RUNDC3B: variants seen among roughly 807,000 people sequenced by gnomAD.
RUNDC3B encodes the protein RUN domain containing 3B, also known as RUN domain-containing protein 3B.
A neutral mutation model predicts 58.4 loss-of-function variants in RUNDC3B; 33 were observed. The observed-to-expected ratio is 0.56, with a 90% CI of 0.43 to 0.75. RUNDC3B has a LOEUF of 0.75. Ranked by LOEUF, RUNDC3B falls within the 30% of genes least tolerant of loss-of-function variation. The probability of loss-of-function intolerance (pLI) is 0.00; values close to 1 mark genes in which losing one functional copy is unlikely to be tolerated. For missense variants in RUNDC3B, 501 were observed against 535.7 expected (o/e 0.94, Z 0.64); for synonymous variants, 193 against 195.2 (o/e 0.99, Z 0.10).
intron 9 of RUNDC3B, among the ~76,000 whole-genome samples, chr7:87,808,009 T>A (rs1031935520): frequency 6.6e-6 from 1 of 152,188 alleles, no homozygotes; most frequent in African/African-American, 2.4e-5. Context: ...CAGGACTATT[T>A]CATTTAGTTA....
At chr7:87,712,664 C>T (rs1331585783) in intron 4 of RUNDC3B, among the ~76,000 whole-genome samples, 3 of 151,956 alleles carry the variant, frequency 2.0e-5, no homozygotes, top group African/African-American at 7.2e-5. Flanking sequence ...AAAGGAAATG[C>T]TTTCTGCCTT....
At chr7:87,788,931 G>C (rs939645994) in intron 8 of RUNDC3B, among the ~76,000 whole-genome samples, 1 of 152,096 alleles carries the variant, frequency 6.6e-6, no homozygotes, top group African/African-American at 2.4e-5. Context: ...AAGTAGTTGA[G>C]AATATCGACA....
chr7:87,754,391 A>G (rs973479845), intron 6 of RUNDC3B, among the ~76,000 whole-genome samples: 3 of 152,224 alleles, frequency 2.0e-5, no homozygotes, highest in Non-Finnish European at 2.9e-5. Context: ...TTTGAAACCA[A>G]TGAGAACAAA....
intron 4 of RUNDC3B, among the ~76,000 whole-genome samples, chr7:87,722,552 A>G (rs1442919020): frequency 6.6e-6 from 1 of 152,218 alleles, no homozygotes; most frequent in African/African-American, 2.4e-5. Flanking sequence ...GAAAGTTAGT[A>G]TGAGTGTACT....
intron 8 of RUNDC3B, among the ~76,000 whole-genome samples, chr7:87,790,124 G>C (rs764824034): frequency 6.6e-6 from 1 of 152,208 alleles, no homozygotes; most frequent in African/African-American, 2.4e-5. Flanking sequence ...TCCCAGTGAT[G>C]GTGGCCATAG....
chr7:87,830,589 G>A lies in RUNDC3B; in HGVS notation c.*559G>A, dbSNP rs1838080464. 1 of 151,614 alleles carries A rather than the reference G, an allele frequency of 6.6e-6. No individual in the cohort carries two copies. Among genetic ancestry groups the A allele is most frequent in the East Asian group, 1.9e-4 (1 of 5,174 alleles). The allele number at this position is 151,614 out of a possible 1,614,324, so 9.4% of individuals were successfully genotyped here. On this transcript the variant is annotated 3_prime_UTR_variant, in exon 11 of 11. Transcript: ENST00000394654. ...AGTTTTTCTTTAATATTTACCATTT[G>A]GTATCAATTCAGCATTCCACTTAAC...
intron 8 of RUNDC3B, among the ~76,000 whole-genome samples, chr7:87,779,221 C>A (rs1834806845): frequency 1.3e-5 from 2 of 152,044 alleles, no homozygotes; most frequent in Admixed American, 6.6e-5. Context: ...AAATAATGTC[C>A]CTTACTACAA....
chr7:87,730,138 G>C (rs1291387751), intron 4 of RUNDC3B, among the ~76,000 whole-genome samples: 1 of 152,180 alleles, frequency 6.6e-6, no homozygotes, highest in Admixed American at 6.5e-5. Flanking sequence ...GGCTTCAGGA[G>C]TGACCCTGCA....
chr7:87,759,960 G>A (rs923040762), intron 6 of RUNDC3B, among the ~76,000 whole-genome samples: 12 of 151,586 alleles, frequency 7.9e-5, no homozygotes, highest in Admixed American at 3.9e-4. Context: ...AGTTCAAATC[G>A]CTGAATTTTT....
At chr7:87,807,582 C>A in intron 9 of RUNDC3B, 63 bp downstream of exon 9, 2 of 1,214,150 alleles carry the variant, frequency 1.6e-6, no homozygotes, top group Non-Finnish European at 2.4e-6. Flanking sequence ...ATATGGCTAT[C>A]TACTTTGGTT....
At chr7:87,823,856 A>G (rs952134061) in intron 10 of RUNDC3B, among the ~76,000 whole-genome samples, 5 of 151,946 alleles carry the variant, frequency 3.3e-5, no homozygotes, top group Non-Finnish European at 4.4e-5. Flanking sequence ...ACATACATAC[A>G]TACATACCAG....
chr7:87,682,462 T>C (rs1174322718), intron 2 of RUNDC3B, among the ~76,000 whole-genome samples: 1 of 152,200 alleles, frequency 6.6e-6, no homozygotes, highest in Non-Finnish European at 1.5e-5. Flanking sequence ...ACTTTTTCAA[T>C]AGTAAGACTT....
chr7:87,770,885 C>T (rs1834239844), intron 7 of RUNDC3B, 136 bp downstream of exon 7: 2 of 566,034 alleles, frequency 3.5e-6, no homozygotes, highest in South Asian at 7.8e-5. Context: ...TTGTCCTCCT[C>T]TTAATGAAAA....
intron 6 of RUNDC3B, among the ~76,000 whole-genome samples, chr7:87,766,426 G>C (rs1236916971): frequency 1.3e-5 from 2 of 152,012 alleles, no homozygotes; most frequent in Admixed American, 1.3e-4. Context: ...ATTTCTTGTA[G>C]GACTAGTCTA....
At chr7:87,773,682 T>TTTTG (rs1325001916) in intron 7 of RUNDC3B, among the ~76,000 whole-genome samples, 1 of 151,794 alleles carries the variant, frequency 6.6e-6, no homozygotes, top group African/African-American at 2.4e-5. Context: ...TTTTGTTTTG[T>TTTTG]TTTGTTTTGT....
In RUNDC3B at chr7:87,830,093, C is replaced by T; in HGVS notation, c.*63C>T. On this transcript the variant is annotated 3_prime_UTR_variant, in exon 11 of 11. Coordinates refer to ENST00000394654, the MANE Select transcript of RUNDC3B (RefSeq NM_001134405.2). Reference sequence around the variant, plus strand: ...AATGTTTAATTTACATGTTTGACTGCTGGGAAGACCTTTGAAATTTTATAT... The same window carrying T: ...AATGTTTAATTTACATGTTTGACTGTTGGGAAGACCTTTGAAATTTTATAT... 1 of 1,038,994 alleles carries T rather than the reference C, an allele frequency of 9.6e-7. No individual in the cohort carries two copies. The highest frequency in any genetic ancestry group is 1.6e-5 in the African/African-American group (1 of 60,684). 64.4% of individuals were successfully genotyped at this position (1,038,994 alleles called of 1,614,324 possible).
chr7:87,750,491 A>T (rs1832907238), intron 6 of RUNDC3B, among the ~76,000 whole-genome samples: 1 of 152,000 alleles, frequency 6.6e-6, no homozygotes, highest in Non-Finnish European at 1.5e-5. Context: ...TTACAGTCCC[A>T]CCAACAGTGT....
intron 6 of RUNDC3B, among the ~76,000 whole-genome samples, chr7:87,761,145 C>T (rs1046317406): frequency 4.6e-5 from 7 of 151,754 alleles, no homozygotes; most frequent in Non-Finnish European, 1.0e-4. Context: ...ATATAAACAA[C>T]CCGATTTTAA....
chr7:87,776,304 A>G (rs1036546924), intron 7 of RUNDC3B, among the ~76,000 whole-genome samples: 6 of 152,158 alleles, frequency 3.9e-5, no homozygotes, highest in Non-Finnish European at 5.9e-5. Context: ...AGTGATCCAA[A>G]TGGTCATTGA....
Sources: gnomAD v4.1 joint callset for allele counts (sites outside exome capture counted in the v4.1 genomes callset) on GRCh38, gnomAD v4.1.1 for gene constraint, MANE v1.5 for transcripts, NCBI Gene and HGNC (gene_info 2026-07-23, HGNC 2026-07-21) for gene names.